Variants in PTPRD observed in about 807,000 individuals in gnomAD.
The protein encoded by PTPRD is protein tyrosine phosphatase receptor type D.
Under a neutral mutation model 214.5 loss-of-function variants are expected in PTPRD, and 34 were observed. The ratio of observed to expected loss-of-function variants is 0.16; its 90% CI spans 0.12 to 0.21. The LOEUF (loss-of-function observed/expected upper bound fraction) is 0.21, where lower values mean the gene tolerates loss of function less well. Ranked by LOEUF, PTPRD falls within the 10% of genes least tolerant of loss-of-function variation. The pLI is 1.00. For synonymous variants in PTPRD, 1,128 were observed against 845.7 expected, an observed-to-expected ratio of 1.33 and a Z score of -5.79; for missense variants, 2,545 against 2,398.7, an observed-to-expected ratio of 1.06 and a Z score of -1.27.
chr9:9,380,756 T>A (rs976189243), intron 9 of PTPRD, among the ~76,000 whole-genome samples: 5 of 152,170 alleles, frequency 3.3e-5, no homozygotes, highest in Admixed American at 2.6e-4. Context: ...CTGACGTGTC[T>A]GACTATTTCT....
chr9:8,340,587 T>C (rs2132388074), intron 41 of PTPRD, 118 bp from the exon 42 acceptor site: 6 of 988,846 alleles, frequency 6.1e-6, no homozygotes, highest in South Asian at 3.2e-5. Context: ...ATTAATGCAA[T>C]TGAGGTAAAT....
At position 10,551,479 on chromosome 9, in the gene PTPRD, G is replaced by C. The variant is rs150120220; in HGVS notation, c.-600+60919C>G. Among the ~76,000 whole-genome samples, 10 of 152,262 alleles carry C rather than the reference G, an allele frequency of 6.6e-5. 1 individual carries two copies. Among genetic ancestry groups the C allele is most frequent in the African/African-American group, 2.4e-4 (10 of 41,554 alleles). On this transcript the variant is annotated intron_variant, in intron 2 of 45. Transcript: ENST00000381196. ...GAAGGTGACAGTATTAGGGAGTAGAGACTTTTAAGAGGTGATTATGAAGGT... is the reference window on the plus strand; with the variant it reads ...GAAGGTGACAGTATTAGGGAGTAGACACTTTTAAGAGGTGATTATGAAGGT...
In PTPRD at chr9:8,429,050, C is replaced by A. The variant is rs2094877967; in HGVS notation, c.4086+7542G>T. ...TTATCTATGGAGAAAAGCAATGCGT[C>A]CTTAGCATGTCATAGAGAACCACTG... On this transcript the variant is annotated intron_variant, in intron 35 of 45. Coordinates refer to ENST00000381196, the MANE Select transcript of PTPRD (RefSeq NM_002839.4). Among the ~76,000 whole-genome samples, 8 of 152,138 alleles carry A rather than the reference C, an allele frequency of 5.3e-5. No individual in the cohort carries two copies. The South Asian group carries it at 1.7e-3, about 31-fold the overall frequency.
chr9:9,411,777 G>T lies in PTPRD; in HGVS notation c.-236-14295C>A, dbSNP rs73399047. 4.6e-3 allele frequency among the ~76,000 whole-genome samples: 700 copies of T among 152,306 alleles called. 5 individuals carry two copies. Among genetic ancestry groups the T allele is most frequent in the African/African-American group, 0.016 (660 of 41,550 alleles). ...AATTAACCAAAGAATTCACAACACAGAGAATTTCAGCACTATGCACACACA... is the reference window on the plus strand; with the variant it reads ...AATTAACCAAAGAATTCACAACACATAGAATTTCAGCACTATGCACACACA... On this transcript the variant is annotated intron_variant, in intron 8 of 45. Coordinates refer to ENST00000381196, the MANE Select transcript of PTPRD (RefSeq NM_002839.4).
chr9:9,748,211 T>A (rs2098477624), intron 6 of PTPRD, among the ~76,000 whole-genome samples: 1 of 152,208 alleles, frequency 6.6e-6, no homozygotes, highest in East Asian at 1.9e-4. Flanking sequence ...ATCTTCTATG[T>A]CTTATTACTT....
rs34284610 is a variant in PTPRD, at chr9:10,410,253, G to GTATATATATATATATATATATATA, written c.-599-69237_-599-69236insTATATATATATATATATATATATA. ...AGGTAATTAACTGGACATATTTTGT[G>GTATATATATATATATATATATATA]TATATATATATATATATACACACAC... On this transcript the variant is annotated intron_variant, in intron 2 of 45. Coordinates refer to ENST00000381196, the MANE Select transcript of PTPRD (RefSeq NM_002839.4). 2.5e-3 allele frequency among the ~76,000 whole-genome samples: 311 copies of GTATATATATATATATATATATATA among 126,226 alleles called. 1 individual carries two copies. The highest frequency in any genetic ancestry group is 0.014 in the East Asian group (37 of 2,586). The allele number at this position is 126,226 out of a possible 152,430, so 82.8% of individuals were successfully genotyped here. A position where few individuals can be genotyped will look rare whatever the true frequency, so the allele number is the denominator to read the frequency against.
At chr9:10,129,418 C>A (rs1053412857) in intron 3 of PTPRD, among the ~76,000 whole-genome samples, 1 of 151,808 alleles carries the variant, frequency 6.6e-6, no homozygotes, top group Non-Finnish European at 1.5e-5. Context: ...CTACTTGAAT[C>A]TGAAAACCTA....
At chr9:9,738,480 G>T (rs1254704597) in intron 6 of PTPRD, among the ~76,000 whole-genome samples, 1 of 104,970 alleles carries the variant, frequency 9.5e-6, no homozygotes, top group Non-Finnish European at 1.7e-5. Context: ...GTCTTGCTCT[G>T]TCACCCAGGT....
chr9:9,357,488 G>T (rs374596428), intron 9 of PTPRD, among the ~76,000 whole-genome samples: 4 of 151,172 alleles, frequency 2.6e-5, no homozygotes, highest in East Asian at 3.9e-4. Flanking sequence ...TTTGAATGGC[G>T]TTAGTCACTA....
intron 2 of PTPRD, among the ~76,000 whole-genome samples, chr9:10,403,549 C>T (rs944106589): frequency 1.3e-5 from 2 of 151,290 alleles, no homozygotes; most frequent in African/African-American, 2.4e-5. Context: ...CGAAAAGGTA[C>T]ACTTTGGCAG....
At chr9:8,929,154 T>G (rs1469950965) in intron 11 of PTPRD, among the ~76,000 whole-genome samples, 1 of 152,162 alleles carries the variant, frequency 6.6e-6, no homozygotes, top group African/African-American at 2.4e-5. Context: ...TTTGACTTCC[T>G]CCTTTCCTAA....
In PTPRD at chr9:8,696,515, T is replaced by G. The variant is rs374953909; in HGVS notation, c.64+37265A>C. Among the ~76,000 whole-genome samples, 93 of 152,246 alleles carry G rather than the reference T, an allele frequency of 6.1e-4. 1 individual carries two copies. The highest frequency in any genetic ancestry group is 2.2e-3 in the African/African-American group (90 of 41,536). On this transcript the variant is annotated intron_variant, in intron 12 of 45. Transcript: ENST00000381196. ...GTTATGAATTAGATAAACTTGGTGA[T>G]TAGCAGAAGGAAGTAGAGGAGAGAG...
intron 10 of PTPRD, among the ~76,000 whole-genome samples, chr9:9,143,171 C>A (rs1296612358): frequency 6.6e-6 from 1 of 152,124 alleles, no homozygotes; most frequent in Non-Finnish European, 1.5e-5. Context: ...TTGGAGCATG[C>A]TATTTGTTCA....
Position 8,962,943 on chromosome 9 carries a change from T to C in PTPRD, c.-104+55754A>G, listed in dbSNP as rs554328406. 13 of 152,198 alleles carry C rather than the reference T, an allele frequency of 8.5e-5. No individual in the cohort carries two copies. The East Asian group carries it at 2.5e-3, about 29-fold the overall frequency. 9.4% of individuals were successfully genotyped at this position (152,198 alleles called of 1,614,324 possible). ...TCTTAGGAACTGATGGGCATGCACA[T>C]CAGGATATACACAAAAGATTTCCCA... On this transcript the variant is annotated intron_variant, in intron 11 of 45. Transcript: ENST00000381196.
At chr9:10,011,236 A>G (rs1324264981) in intron 4 of PTPRD, among the ~76,000 whole-genome samples, 1 of 151,900 alleles carries the variant, frequency 6.6e-6, no homozygotes, top group African/African-American at 2.4e-5. Flanking sequence ...TTTATTTCAA[A>G]TACTAAAAAC....
Position 9,145,554 on chromosome 9 carries a change from C to A in PTPRD, c.-143+37750G>T, listed in dbSNP as rs528201579. ...AAGATATAAACTAAACTCTAACATACCCCCTCCTCACCCCCAACCCGAATT... is the reference window on the plus strand; with the variant it reads ...AAGATATAAACTAAACTCTAACATAACCCCTCCTCACCCCCAACCCGAATT... On this transcript the variant is annotated intron_variant, in intron 10 of 45. Coordinates refer to ENST00000381196, the MANE Select transcript of PTPRD (RefSeq NM_002839.4). 3.6e-4 allele frequency among the ~76,000 whole-genome samples: 54 copies of A among 151,988 alleles called. 1 individual carries two copies. In the East Asian group the frequency reaches 9.7e-3, roughly 27 times the overall value.
At chr9:10,080,397 T>C (rs949417582) in intron 3 of PTPRD, among the ~76,000 whole-genome samples, 5 of 152,088 alleles carry the variant, frequency 3.3e-5, no homozygotes, top group African/African-American at 9.7e-5. Flanking sequence ...TAGGGAGGCA[T>C]TGGTATTCAA....
At chr9:10,010,160 A>C (rs1278877749) in intron 4 of PTPRD, among the ~76,000 whole-genome samples, 1 of 151,880 alleles carries the variant, frequency 6.6e-6, no homozygotes, top group Non-Finnish European at 1.5e-5. Flanking sequence ...TAGGAAATTA[A>C]CTCACTTGTC....
At chr9:10,019,329 G>A (rs10755994) in intron 4 of PTPRD, among the ~76,000 whole-genome samples, 64,960 of 151,948 alleles carry the variant, frequency 0.43, 16,395 homozygotes, top group Middle Eastern at 0.61. Flanking sequence ...ACTGTTGGTG[G>A]GACTGTAAAC....
Sources: gnomAD v4.1 joint callset for allele counts (sites outside exome capture counted in the v4.1 genomes callset) on GRCh38, gnomAD v4.1.1 for gene constraint, MANE v1.5 for transcripts, NCBI Gene and HGNC (gene_info 2026-07-23, HGNC 2026-07-21) for gene names.